YTHDF2: variants seen among roughly 807,000 people sequenced by gnomAD.
YTHDF2 encodes YTH N6-methyladenosine RNA binding protein F2.
YTHDF2 carries 2 observed loss-of-function variants against 50.4 expected under a neutral mutation model. That is an observed-to-expected ratio of 0.04 (90% CI 0.02 to 0.12). YTHDF2 has a LOEUF of 0.12. Among genes scored for constraint, YTHDF2 ranks in the 10% least tolerant of loss-of-function variants. The pLI is 1.00. For synonymous variants in YTHDF2, 217 were observed against 255.6 expected, an observed-to-expected ratio of 0.85 and a Z score of 1.44; for missense variants, 483 against 722.6, an observed-to-expected ratio of 0.67 and a Z score of 3.80.
intron 4 of YTHDF2, among the ~76,000 whole-genome samples, chr1:28,745,714 A>ACC (rs2087847246): frequency 3.4e-5 from 2 of 58,282 alleles, no homozygotes; most frequent in Admixed American, 2.1e-4. Context: ...CTAAACTCCC[A>ACC]TCTCCCCCCG....
intron 4 of YTHDF2, among the ~76,000 whole-genome samples, chr1:28,767,005 A>ATTTTTT (rs549118209): frequency 7.6e-6 from 1 of 131,898 alleles, no homozygotes; most frequent in African/African-American, 2.9e-5. Context: ...TAATTAAAAG[A>ATTTTTT]TTTTTTTTTT....
chr1:28,742,708 C>G lies in YTHDF2; in HGVS notation c.438C>G (p.Ser146Arg). ...GTTCTCAGGGACAGTCTACTCAGAGCTCTGGATATAGTAGCAATTATGCTT... is the reference window on the plus strand; with the variant it reads ...GTTCTCAGGGACAGTCTACTCAGAGGTCTGGATATAGTAGCAATTATGCTT... ...NNSSQGQSTQ[S>R]SGYSSNYAYA... Residue 146 changes from serine (S) to arginine (R), a missense_variant, in exon 4 of 5, where the codon AGC becomes AGG. By Grantham distance (110) the Ser-to-Arg change is moderately radical (BLOSUM62 -1). Coordinates refer to ENST00000373812, the MANE Select transcript of YTHDF2 (RefSeq NM_016258.3). The G allele has an allele frequency of 6.2e-7, 1 of 1,614,136 alleles. No individual in the cohort carries two copies. The highest frequency in any genetic ancestry group is 1.1e-5 in the South Asian group (1 of 91,086).
At chr1:28,736,796 C>A (rs1412686537), upstream of YTHDF2, 2 of 345,284 alleles carry the variant, frequency 5.8e-6, no homozygotes, top group African/African-American at 4.4e-5. Context: ...TCGCGCCGGG[C>A]CCCTTCCGCG....
At chr1:28,764,697 G>A (rs1038083809) in intron 4 of YTHDF2, among the ~76,000 whole-genome samples, 2 of 151,228 alleles carry the variant, frequency 1.3e-5, no homozygotes, top group East Asian at 2.0e-4. Flanking sequence ...GTGGGCCATC[G>A]TGCCTGGCCT....
At chr1:28,767,024 T>TTTTTTG in intron 4 of YTHDF2, among the ~76,000 whole-genome samples, 1 of 150,038 alleles carries the variant, frequency 6.7e-6, no homozygotes, top group African/African-American at 2.5e-5. Context: ...TTTTTTTTTG[T>TTTTTTG]AGAGACAGTG....
chr1:28,751,480 T>G (rs1200212835), intron 4 of YTHDF2, among the ~76,000 whole-genome samples: 1 of 152,202 alleles, frequency 6.6e-6, no homozygotes, highest in African/African-American at 2.4e-5. Context: ...TAAGGCCATC[T>G]ATGTCTATTT....
intron 3 of YTHDF2, chr1:28,738,983 T>A (rs1355811890): frequency 6.6e-6 from 1 of 152,236 alleles, no homozygotes; most frequent in African/African-American, 2.4e-5. Context: ...TTACCAAGAA[T>A]GTAGCAGTGC....
chr1:28,748,188 C>T (rs1478129920), intron 4 of YTHDF2, among the ~76,000 whole-genome samples: 1 of 151,698 alleles, frequency 6.6e-6, no homozygotes, highest in African/African-American at 2.4e-5. Flanking sequence ...ATGATTGCTT[C>T]TAAGCCCAGT....
At chr1:28,750,914 G>A (rs370477233) in intron 4 of YTHDF2, among the ~76,000 whole-genome samples, 21 of 151,748 alleles carry the variant, frequency 1.4e-4, no homozygotes, top group African/African-American at 4.8e-4. Context: ...GCAACATGGT[G>A]AAACCCTGTC....
chr1:28,737,050 G>GGGCTCATCTGCCGCCGCCGC lies in YTHDF2; in HGVS notation c.-70_-51dup. On this transcript the variant is annotated 5_prime_UTR_variant, in exon 1 of 5. Transcript: ENST00000373812. ...AAGCCTCCGCCTGCTCCCGCAGACG[G>GGGCTCATCTGCCGCCGCCGC]GGCTCATCTGCCGCCGCCGCCGCGC... The GGGCTCATCTGCCGCCGCCGC allele has an allele frequency of 6.5e-7, 1 of 1,544,662 alleles. No homozygotes were observed. The highest frequency in any genetic ancestry group is 8.7e-7 in the Non-Finnish European group (1 of 1,144,630).
chr1:28,740,982 G>GTTTA (rs1409378953), intron 3 of YTHDF2, among the ~76,000 whole-genome samples: 16 of 151,386 alleles, frequency 1.1e-4, no homozygotes, highest in Non-Finnish European at 2.1e-4. Context: ...GGGATTACAG[G>GTTTA]TGTGAGCCAC....
intron 4 of YTHDF2, among the ~76,000 whole-genome samples, chr1:28,745,724 G>GCC (rs1222221011): frequency 0.013 from 582 of 43,560 alleles, 18 homozygotes; most frequent in South Asian, 0.018. Flanking sequence ...ATCTCCCCCC[G>GCC]CCCCCCCCCC....
chr1:28,751,107 A>AAAAAAAAAG, intron 4 of YTHDF2, among the ~76,000 whole-genome samples: 1 of 147,878 alleles, frequency 6.8e-6, no homozygotes, highest in Non-Finnish European at 1.5e-5. Flanking sequence ...AAAAAAAAAA[A>AAAAAAAAAG]AAAGGCTGGG....
chr1:28,756,953 T>C (rs1249491197), intron 4 of YTHDF2, among the ~76,000 whole-genome samples: 1 of 152,238 alleles, frequency 6.6e-6, no homozygotes, highest in African/African-American at 2.4e-5. Flanking sequence ...CCTGTAAGTC[T>C]GCACAATGAG....
intron 4 of YTHDF2, among the ~76,000 whole-genome samples, chr1:28,753,478 G>T (rs923243846): frequency 6.7e-6 from 1 of 149,578 alleles, no homozygotes; most frequent in Admixed American, 6.7e-5. Context: ...AGCCCGGGAC[G>T]TCAAGTCTGC....
chr1:28,754,963 CAAAAAAA>C (rs58411768), intron 4 of YTHDF2, among the ~76,000 whole-genome samples: 2 of 81,466 alleles, frequency 2.5e-5, no homozygotes, highest in East Asian at 4.8e-4. Flanking sequence ...GGTGACAGCT[CAAAAAAA>C]AAAAAAAAAA....
chr1:28,750,093 C>G (rs755336218), intron 4 of YTHDF2, among the ~76,000 whole-genome samples: 8 of 139,344 alleles, frequency 5.7e-5, no homozygotes, highest in Non-Finnish European at 1.5e-5. Context: ...CAGGTTCAAG[C>G]GATTCTCCTG....
At chr1:28,761,690 T>C (rs1404183741) in intron 4 of YTHDF2, among the ~76,000 whole-genome samples, 2 of 151,952 alleles carry the variant, frequency 1.3e-5, no homozygotes, top group Non-Finnish European at 2.9e-5. Context: ...TGAGCCGAGA[T>C]TGCGCCATTG....
intron 4 of YTHDF2, among the ~76,000 whole-genome samples, chr1:28,749,558 T>A (rs1403505314): frequency 6.6e-6 from 1 of 152,136 alleles, no homozygotes; most frequent in African/African-American, 2.4e-5. Flanking sequence ...GTGAATTTTT[T>A]AAAAGAAATT....
Sources: gnomAD v4.1 joint callset for allele counts (sites outside exome capture counted in the v4.1 genomes callset) on GRCh38, gnomAD v4.1.1 for gene constraint, MANE v1.5 for transcripts, NCBI Gene and HGNC (gene_info 2026-07-23, HGNC 2026-07-21) for gene names.